KCNIP1: variants seen among roughly 807,000 people sequenced by gnomAD.
The protein encoded by KCNIP1 is A-type potassium channel modulatory protein KCNIP1.
In KCNIP1, 18 loss-of-function variants were observed where a neutral mutation model predicts 33.0. The observed-to-expected ratio is 0.55, with a 90% CI of 0.38 to 0.81. The LOEUF (loss-of-function observed/expected upper bound fraction) is 0.81, where lower values mean the gene tolerates loss of function less well. Among genes scored for constraint, KCNIP1 ranks in the 30% least tolerant of loss-of-function variants. The pLI, the probability that KCNIP1 is intolerant of heterozygous loss-of-function variation, is 0.00. For synonymous variants in KCNIP1, 93 were observed against 98.3 expected (o/e 0.95, Z 0.32); for missense variants, 238 against 271.6 (o/e 0.88, Z 0.87).
Position 170,651,816 on chromosome 5 carries a change from G to C in KCNIP1, c.62-66942G>C, listed in dbSNP as rs546339923. On this transcript the variant is annotated intron_variant, in intron 1 of 7. Coordinates refer to ENST00000328939, the MANE Select transcript of KCNIP1 (RefSeq NM_014592.4). ...TATGGTACCTATCACTGCAGATCTC[G>C]CTCCATGCTGGAGACATAATTTCCA... Among the ~76,000 whole-genome samples, 11 of 152,142 alleles carry C rather than the reference G, an allele frequency of 7.2e-5. 1 individual carries two copies. In the South Asian group the frequency reaches 2.3e-3, roughly 32 times the overall value.
rs143226662 is a variant in KCNIP1, at chr5:170,671,972, G to C, written c.62-46786G>C. 1.2e-3 allele frequency among the ~76,000 whole-genome samples: 177 copies of C among 152,336 alleles called. 2 individuals carry two copies. The highest frequency in any genetic ancestry group is 4.1e-3 in the African/African-American group (169 of 41,582). On this transcript the variant is annotated intron_variant, in intron 1 of 7. Transcript: ENST00000328939. The stretch of plus-strand genomic sequence containing the variant: ...ATACAGTGTGTCGAGTGCTACAATA[G>C]ATGGAGGGGTGCAGTTTTATGGATG...
chr5:170,418,797 T>C (rs2113422450), intron 1 of KCNIP1, among the ~76,000 whole-genome samples: 1 of 152,336 alleles, frequency 6.6e-6, no homozygotes, highest in East Asian at 1.9e-4. Flanking sequence ...TCCCTCCACA[T>C]TTCCAGGTGT....
chr5:170,589,110 T>A (rs1384833038), intron 1 of KCNIP1, among the ~76,000 whole-genome samples: 1 of 150,026 alleles, frequency 6.7e-6, no homozygotes, highest in African/African-American at 2.4e-5. Flanking sequence ...ACCATTCTCC[T>A]GCCTCAGCCT....
At chr5:170,454,431 C>T (rs1211866600) in intron 1 of KCNIP1, among the ~76,000 whole-genome samples, 2 of 152,164 alleles carry the variant, frequency 1.3e-5, no homozygotes, top group Non-Finnish European at 2.9e-5. Context: ...GTACCTAAAC[C>T]TGAAACAAAT....
rs1407646435 is a variant in KCNIP1, at chr5:170,735,788, G to A, written c.633G>A (p.Leu211=). 1 of 1,613,920 alleles carries A rather than the reference G, an allele frequency of 6.2e-7. No individual in the cohort carries two copies. Among genetic ancestry groups the A allele is most frequent in the Non-Finnish European group, 8.5e-7 (1 of 1,179,986 alleles). ...ACAACATCATGAGGTCTCTCCAGCT[G>A]TTTCAAAATGTCATGTAACTGGTGA... ...EDDNIMRSLQ[L]FQNVM The change falls in exon 8 of 8, where the codon CTG becomes CTA. Residue 211 remains leucine (L), a synonymous_variant. Transcript: ENST00000328939.
intron 1 of KCNIP1, among the ~76,000 whole-genome samples, chr5:170,441,959 A>AG (rs1305423667): frequency 7.7e-6 from 1 of 130,332 alleles, no homozygotes; most frequent in Non-Finnish European, 1.8e-5. Flanking sequence ...CTCAAAAAAA[A>AG]AAAAAAAAAA....
At chr5:170,509,595 T>C (rs909284230) in intron 1 of KCNIP1, among the ~76,000 whole-genome samples, 1 of 152,184 alleles carries the variant, frequency 6.6e-6, no homozygotes, top group African/African-American at 2.4e-5. Flanking sequence ...AAGGAGTGAA[T>C]GAATGAAGCA....
chr5:170,532,949 A>G (rs1434301969), intron 1 of KCNIP1, among the ~76,000 whole-genome samples: 1 of 152,192 alleles, frequency 6.6e-6, no homozygotes, highest in African/African-American at 2.4e-5. Context: ...CTGACCAAGC[A>G]TGTAGCCTTC....
chr5:170,609,768 G>A (rs1181016924), intron 1 of KCNIP1, among the ~76,000 whole-genome samples: 3 of 152,168 alleles, frequency 2.0e-5, no homozygotes, highest in African/African-American at 7.2e-5. Context: ...GAGGCAGGAA[G>A]ATGTCTTAAG....
chr5:170,504,293 C>T lies in KCNIP1; in HGVS notation c.-280C>T. ...CAGGCTTCAGGGCACCGTCCTCGGC[C>T]CTGGGCGAGGGAACCGCCGGGCCGG... On this transcript the variant is annotated 5_prime_UTR_variant, in exon 1 of 8. Coordinates refer to ENST00000328939, the MANE Select transcript of KCNIP1 (RefSeq NM_014592.4). The surrounding 1 kb of genome is among the most constrained non-coding windows in gnomAD (Gnocchi z 6.0). 1.5e-6 allele frequency: 2 copies of T among 1,330,944 alleles called. No homozygotes were observed. The highest frequency in any genetic ancestry group is 1.9e-6 in the Non-Finnish European group (2 of 1,043,102). 82.4% of individuals were successfully genotyped at this position (1,330,944 alleles called of 1,614,324 possible).
chr5:170,460,744 C>G (rs1756485579), intron 1 of KCNIP1, among the ~76,000 whole-genome samples: 1 of 136,188 alleles, frequency 7.3e-6, no homozygotes, highest in South Asian at 2.4e-4. Context: ...ATACTGAGAA[C>G]TGGAACAAAG....
chr5:170,720,380 C>T lies in KCNIP1; in HGVS notation c.246C>T (p.Phe82=). ...TCAAGCAGATCTATGCTCAGTTTTT[C>T]CCTCATGGAGGTGAGTCTGACCTTG... ...DTFKQIYAQF[F]PHGDASTYAH... The change falls in exon 3 of 8, where the codon TTC becomes TTT. Residue 82 remains phenylalanine (F), a synonymous_variant. Transcript: ENST00000328939. The T allele has an allele frequency of 6.2e-7, 1 of 1,613,688 alleles. No homozygotes were observed. The highest frequency in any genetic ancestry group is 8.5e-7 in the Non-Finnish European group (1 of 1,179,580).
intron 1 of KCNIP1, among the ~76,000 whole-genome samples, chr5:170,463,343 C>G (rs1314512926): frequency 4.6e-5 from 7 of 152,014 alleles, no homozygotes; most frequent in Non-Finnish European, 1.0e-4. Context: ...CCAGTATTAT[C>G]CCATTACCAA....
Position 170,719,268 on chromosome 5 carries a change from G to A in KCNIP1, c.186+386G>A, listed in dbSNP as rs78057376. On this transcript the variant is annotated intron_variant, in intron 2 of 7. Transcript: ENST00000328939. ...GCTCACCGAGACTGATGTGTAAGCC[G>A]AATGTCGGTGTATTAATTTACCTTG... Among the ~76,000 whole-genome samples the A allele has an allele frequency of 2.0e-3, 300 of 152,024 alleles. 4 individuals carry two copies. The highest frequency in any genetic ancestry group is 0.015 in the Admixed American group (223 of 15,276).
intron 1 of KCNIP1, among the ~76,000 whole-genome samples, chr5:170,525,479 G>A (rs1170516005): frequency 6.6e-6 from 1 of 152,214 alleles, no homozygotes; most frequent in Non-Finnish European, 1.5e-5. Context: ...CATGCAGGTA[G>A]GGCACCCATC....
Position 170,703,069 on chromosome 5 carries a change from G to A in KCNIP1, c.62-15689G>A, listed in dbSNP as rs1035855223. Among the ~76,000 whole-genome samples the A allele has an allele frequency of 4.4e-5, 6 of 137,416 alleles. 1 individual carries two copies. Among genetic ancestry groups the A allele is most frequent in the Admixed American group, 1.6e-4 (2 of 12,518 alleles). 90.2% of individuals were successfully genotyped at this position (137,416 alleles called of 152,430 possible). A position where few individuals can be genotyped will look rare whatever the true frequency, so the allele number is the denominator to read the frequency against. ...GAACCTATAGGTCTGTTCCATTCTC[G>A]ACACACGTGATATTAGCAGCACGGT... On this transcript the variant is annotated intron_variant, in intron 1 of 7. Transcript: ENST00000328939.
chr5:170,398,758 C>G (rs1357361813), intron 1 of KCNIP1, among the ~76,000 whole-genome samples: 1 of 152,194 alleles, frequency 6.6e-6, no homozygotes, highest in Non-Finnish European at 1.5e-5. Context: ...ATGCCCCACC[C>G]CAATCCCTCC....
chr5:170,396,028 G>T (rs1018201476), intron 1 of KCNIP1, among the ~76,000 whole-genome samples: 8 of 152,212 alleles, frequency 5.3e-5, no homozygotes, highest in African/African-American at 1.9e-4. Context: ...ACAGTGATGG[G>T]AGTAGCTATA....
chr5:170,618,143 CATT>C (rs1759459750), intron 1 of KCNIP1, among the ~76,000 whole-genome samples: 1 of 152,094 alleles, frequency 6.6e-6, no homozygotes, highest in African/African-American at 2.4e-5. Flanking sequence ...CAATTTGTCT[CATT>C]ATAAATGATG....
Sources: gnomAD v4.1 joint callset for allele counts (sites outside exome capture counted in the v4.1 genomes callset) on GRCh38, gnomAD v4.1.1 for gene constraint, Gnocchi (gnomAD v3.1) non-coding constraint, MANE v1.5 for transcripts, NCBI Gene and HGNC (gene_info 2026-07-23, HGNC 2026-07-21) for gene names.